Variants in ABLIM1 observed in about 807,000 individuals in gnomAD.
ABLIM1 encodes the protein actin binding LIM protein 1.
A neutral mutation model predicts 107.0 loss-of-function variants in ABLIM1; 40 were observed. The ratio of observed to expected loss-of-function variants is 0.37; its 90% confidence interval spans 0.29 to 0.49. The LOEUF (loss-of-function observed/expected upper bound fraction) is 0.49, where lower values mean the gene tolerates loss of function less well. Among genes scored for constraint, ABLIM1 ranks in the 20% least tolerant of loss-of-function variants. The pLI, the probability that ABLIM1 is intolerant of heterozygous loss-of-function variation, is 0.97. For missense variants in ABLIM1, 857 were observed against 1,008.5 expected (o/e 0.85, Z 2.04); for synonymous variants, 357 against 357.3 (o/e 1.00, Z 0.01).
rs189417311 is a variant in ABLIM1 at position 114,516,860 on chromosome 10, T to C, written c.895-24982A>G. Among the ~76,000 whole-genome samples, 52 of 152,324 alleles carry C rather than the reference T, an allele frequency of 3.4e-4. No homozygotes were observed. In the Middle Eastern group the frequency reaches 0.01, roughly 30 times the overall value. ...TTCCTTTCAGTTAGACTATCAGATA[T>C]GCAAACACTCTTCTCATTAGCCTCT... On this transcript the variant is annotated intron_variant, in intron 6 of 22. Coordinates refer to ENST00000533213, the MANE Select transcript of ABLIM1 (RefSeq NM_002313.7).
intron 1 of ABLIM1, among the ~76,000 whole-genome samples, chr10:114,651,353 G>A (rs538895471): frequency 2.0e-5 from 3 of 152,262 alleles, no homozygotes; most frequent in South Asian, 4.1e-4. Flanking sequence ...ATGTGCAGAG[G>A]ATGCTATGAA....
intron 4 of ABLIM1, among the ~76,000 whole-genome samples, chr10:114,553,040 T>C (rs1006109277): frequency 6.6e-6 from 1 of 152,196 alleles, no homozygotes; most frequent in Non-Finnish European, 1.5e-5. Flanking sequence ...GGGCAGCAAT[T>C]AAGCTTCTCT....
At chr10:114,582,445 C>G (rs892173814) in intron 2 of ABLIM1, among the ~76,000 whole-genome samples, 1 of 152,144 alleles carries the variant, frequency 6.6e-6, no homozygotes, top group Non-Finnish European at 1.5e-5. Context: ...CCAAAGAAAT[C>G]TACAGATTCA....
chr10:114,490,960 C>T (rs1021356636), intron 7 of ABLIM1, among the ~76,000 whole-genome samples: 14 of 138,860 alleles, frequency 1.0e-4, no homozygotes, highest in African/African-American at 1.7e-4. Flanking sequence ...TGAGCCACCA[C>T]GCCCGGCATA....
the ABLIM1 span, among the ~76,000 whole-genome samples, chr10:114,793,656 A>C: frequency 2.0e-5 from 3 of 152,166 alleles, no homozygotes; most frequent in Non-Finnish European, 4.4e-5. Flanking sequence ...CTCCCAGCTA[A>C]TGACTTGAGT....
At chr10:114,569,601 CTT>C (rs1198080482) in intron 4 of ABLIM1, among the ~76,000 whole-genome samples, 7 of 152,080 alleles carry the variant, frequency 4.6e-5, no homozygotes, top group African/African-American at 1.7e-4. Flanking sequence ...TACAGGGCCT[CTT>C]TTTCTTAACT....
intron 1 of ABLIM1, among the ~76,000 whole-genome samples, chr10:114,743,124 A>T (rs2082319390): frequency 6.6e-6 from 1 of 152,230 alleles, no homozygotes. Flanking sequence ...GGGTATAAGT[A>T]GTAGCATTAA....
chr10:114,492,816 T>C (rs895457617), intron 6 of ABLIM1, among the ~76,000 whole-genome samples: 2 of 152,228 alleles, frequency 1.3e-5, no homozygotes, highest in African/African-American at 4.8e-5. Context: ...AGAACCTGCA[T>C]GAAACTGCAA....
At chr10:114,521,742 G>A (rs1428067975) in intron 6 of ABLIM1, among the ~76,000 whole-genome samples, 2 of 151,168 alleles carry the variant, frequency 1.3e-5, no homozygotes, top group African/African-American at 2.4e-5. Flanking sequence ...CCTCTTATTG[G>A]GCACCAACCT....
Position 114,710,958 on chromosome 10 carries a change from T to A in ABLIM1, c.-213+57103A>T, listed in dbSNP as rs116690260. On this transcript the variant is annotated intron_variant, in intron 1 of 15. Coordinates refer to the ABLIM1 transcript ENST00000651092. ...CACGCATTCCAAAATCCCAAAGACA[T>A]CTGATGGGTTCCACTCAAAGATGAC... Among the ~76,000 whole-genome samples the A allele has an allele frequency of 1.0e-2, 1,523 of 152,310 alleles. 27 individuals are homozygous for A. The highest frequency in any genetic ancestry group is 0.033 in the African/African-American group (1,378 of 41,554).
intron 1 of ABLIM1, among the ~76,000 whole-genome samples, chr10:114,733,006 G>C (rs1591908013): frequency 6.6e-6 from 1 of 152,284 alleles, no homozygotes; most frequent in African/African-American, 2.4e-5. Flanking sequence ...TAATAATTAA[G>C]AATGTGCTGG....
chr10:114,493,046 GCTA>G (rs2059214560), intron 6 of ABLIM1, among the ~76,000 whole-genome samples: 1 of 152,196 alleles, frequency 6.6e-6, no homozygotes, highest in Non-Finnish European at 1.5e-5. Context: ...TCGTCCACAT[GCTA>G]CTTTTTATTT....
At chr10:114,583,153 A>G (rs1253302869) in intron 2 of ABLIM1, among the ~76,000 whole-genome samples, 1 of 151,884 alleles carries the variant, frequency 6.6e-6, no homozygotes, top group Non-Finnish European at 1.5e-5. Flanking sequence ...AAGGAATTTA[A>G]TTCTACAAGC....
At chr10:114,487,288 GATTC>G (rs1158630465) in intron 8 of ABLIM1, among the ~76,000 whole-genome samples, 1 of 152,174 alleles carries the variant, frequency 6.6e-6, no homozygotes, top group Non-Finnish European at 1.5e-5. Context: ...AAGGCACTGG[GATTC>G]ATTCAGTCTG....
At chr10:114,525,629 TTA>T (rs1186304131) in intron 6 of ABLIM1, among the ~76,000 whole-genome samples, 1 of 152,232 alleles carries the variant, frequency 6.6e-6, no homozygotes, top group Non-Finnish European at 1.5e-5. Context: ...ATGGCAACAA[TTA>T]TATTTTAATG....
At chr10:114,494,423 C>CTAG (rs2059409167) in intron 6 of ABLIM1, among the ~76,000 whole-genome samples, 1 of 152,146 alleles carries the variant, frequency 6.6e-6, no homozygotes, top group Middle Eastern at 3.2e-3. Flanking sequence ...GTAGTCACAG[C>CTAG]TACTTGGAGG....
intron 1 of ABLIM1, chr10:114,690,742 T>C: frequency 2.3e-5 from 8 of 349,394 alleles, no homozygotes; most frequent in Non-Finnish European, 3.7e-5. Flanking sequence ...AGTGCAGTGG[T>C]GCGATCTCAG....
intron 1 of ABLIM1, among the ~76,000 whole-genome samples, chr10:114,602,213 A>G (rs1266063258): frequency 6.6e-6 from 1 of 152,036 alleles, no homozygotes; most frequent in Non-Finnish European, 1.5e-5. Context: ...CTTCTTCCCA[A>G]ACTTCTCTAG....
intron 1 of ABLIM1, among the ~76,000 whole-genome samples, chr10:114,618,386 A>G (rs986513780): frequency 2.0e-5 from 3 of 152,112 alleles, no homozygotes; most frequent in South Asian, 2.1e-4. Context: ...ATTTTTTCCA[A>G]TGCTCAAACT....
Sources: allele counts gnomAD v4.1 joint callset (sites outside exome capture counted in the v4.1 genomes callset), GRCh38; gene constraint gnomAD v4.1.1; transcripts MANE v1.5; gene names NCBI Gene and HGNC (gene_info 2026-07-23, HGNC 2026-07-21).